Variants in FTCDNL1 observed in about 807,000 individuals in gnomAD.
The protein encoded by FTCDNL1 is formiminotransferase N-terminal subdomain-containing protein.
A neutral mutation model predicts 5.9 loss-of-function variants in FTCDNL1; 11 were observed. The ratio of observed to expected loss-of-function variants is 1.87; its 90% CI spans 1.18 to 3.10. The LOEUF (loss-of-function observed/expected upper bound fraction) is 3.10. Ranked by LOEUF, FTCDNL1 falls within the 30% of genes most tolerant of loss-of-function variation. The probability of loss-of-function intolerance (pLI) is 0.00; values close to 1 mark genes in which losing one functional copy is unlikely to be tolerated. For synonymous variants in FTCDNL1, 58 were observed against 24.8 expected (o/e 2.34, Z -3.99); for missense variants, 115 against 65.5 (o/e 1.76, Z -2.61).
chr2:199,665,224 A>T, the FTCDNL1 span, among the ~76,000 whole-genome samples: 2 of 152,286 alleles, frequency 1.3e-5, no homozygotes, highest in Admixed American at 1.3e-4. Flanking sequence ...ATGGGATGGG[A>T]TCAAGATACA....
At chr2:199,712,857 T>C in the FTCDNL1 span, among the ~76,000 whole-genome samples, 1 of 152,196 alleles carries the variant, frequency 6.6e-6, no homozygotes, top group African/African-American at 2.4e-5. Flanking sequence ...TCATACCATA[T>C]AAAGAGCTCA....
At chr2:199,825,408 T>A (rs1701968966) in intron 3 of FTCDNL1, among the ~76,000 whole-genome samples, 1 of 152,270 alleles carries the variant, frequency 6.6e-6, no homozygotes, top group African/African-American at 2.4e-5. Flanking sequence ...TACAGTCAAC[T>A]GAAGTTTAGG....
At chr2:199,680,747 G>A in the FTCDNL1 span, among the ~76,000 whole-genome samples, 11 of 152,138 alleles carry the variant, frequency 7.2e-5, no homozygotes, top group African/African-American at 2.4e-4. Flanking sequence ...TGAAGATGAC[G>A]CATAGCCTAT....
chr2:199,666,797 C>T, the FTCDNL1 span, among the ~76,000 whole-genome samples: 1 of 151,936 alleles, frequency 6.6e-6, no homozygotes, highest in Non-Finnish European at 1.5e-5. Flanking sequence ...TGCCTGTAAT[C>T]CCAGCTACTC....
the FTCDNL1 span, among the ~76,000 whole-genome samples, chr2:199,750,025 C>A: frequency 6.7e-6 from 1 of 150,042 alleles, no homozygotes; most frequent in Non-Finnish European, 1.5e-5. Flanking sequence ...CTAGTATGTA[C>A]CCCCAAAAAT....
At chr2:199,783,889 T>C (rs1699499531) in intron 3 of FTCDNL1, among the ~76,000 whole-genome samples, 1 of 152,134 alleles carries the variant, frequency 6.6e-6, no homozygotes, top group Admixed American at 6.5e-5. Flanking sequence ...TCAACCATGC[T>C]ACAATGCTAG....
At chr2:199,712,773 G>A in the FTCDNL1 span, among the ~76,000 whole-genome samples, 1 of 152,118 alleles carries the variant, frequency 6.6e-6, no homozygotes, top group African/African-American at 2.4e-5. Flanking sequence ...TCCAACCCCT[G>A]CCCCTGTCAT....
the FTCDNL1 span, among the ~76,000 whole-genome samples, chr2:199,713,057 G>A: frequency 7.2e-5 from 11 of 152,144 alleles, no homozygotes; most frequent in African/African-American, 2.7e-4. Flanking sequence ...CTGTAATGTA[G>A]TTTTGCAGTA....
At chr2:199,686,735 T>C in the FTCDNL1 span, among the ~76,000 whole-genome samples, 1 of 152,178 alleles carries the variant, frequency 6.6e-6, no homozygotes, top group African/African-American at 2.4e-5. Context: ...AACATATTTG[T>C]CTGGGTAATA....
At chr2:199,790,303 G>C (rs1229214563) in intron 3 of FTCDNL1, among the ~76,000 whole-genome samples, 3 of 152,012 alleles carry the variant, frequency 2.0e-5, no homozygotes, top group African/African-American at 7.2e-5. Context: ...TTCGAGACCA[G>C]CCTGGCCAAC....
chr2:199,765,770 T>C (rs917496174), intron 3 of FTCDNL1, among the ~76,000 whole-genome samples: 5 of 151,736 alleles, frequency 3.3e-5, no homozygotes, highest in African/African-American at 9.7e-5. Context: ...CTCAAACTCC[T>C]GAGCTCAGGC....
intron 3 of FTCDNL1, among the ~76,000 whole-genome samples, chr2:199,825,666 A>G (rs944605664): frequency 6.6e-6 from 1 of 152,164 alleles, no homozygotes; most frequent in Non-Finnish European, 1.5e-5. Flanking sequence ...TCACCATGCG[A>G]CACACCTGTT....
chr2:199,830,723 C>T (rs995348710), intron 3 of FTCDNL1, among the ~76,000 whole-genome samples: 1 of 152,118 alleles, frequency 6.6e-6, no homozygotes, highest in African/African-American at 2.4e-5. Flanking sequence ...ATTCCTCCCC[C>T]ACATGGCTAG....
At position 199,775,968 on chromosome 2, in the gene FTCDNL1, C is replaced by G. The variant is rs1699043396; in HGVS notation, c.212-15133G>C. ...TCGCTCTGTTGCCCAGGCTGGAGTG[C>G]AGTGGCGCGATATCAGCTCACTGCA... On this transcript the variant is annotated intron_variant, in intron 3 of 3. Coordinates refer to the FTCDNL1 transcript ENST00000416668. Among the ~76,000 whole-genome samples, 2 of 145,940 alleles carry G rather than the reference C, an allele frequency of 1.4e-5. 1 individual carries two copies. Among genetic ancestry groups the G allele is most frequent in the South Asian group, 4.3e-4 (2 of 4,606 alleles).
the FTCDNL1 span, among the ~76,000 whole-genome samples, chr2:199,689,721 G>C: frequency 1.3e-5 from 2 of 149,312 alleles, no homozygotes; most frequent in Non-Finnish European, 3.0e-5. Flanking sequence ...TGAGGCAGGA[G>C]AATCGCTTAA....
At chr2:199,724,873 G>C in the FTCDNL1 span, among the ~76,000 whole-genome samples, 1 of 152,066 alleles carries the variant, frequency 6.6e-6, no homozygotes, top group Non-Finnish European at 1.5e-5. Context: ...TTTTTGGGTA[G>C]AGAGTTCTGC....
chr2:199,693,455 A>G, the FTCDNL1 span, among the ~76,000 whole-genome samples: 1 of 152,230 alleles, frequency 6.6e-6, no homozygotes, highest in African/African-American at 2.4e-5. Context: ...CTCTTTTAGC[A>G]TCTATCCTGT....
chr2:199,739,960 C>CG, the FTCDNL1 span, among the ~76,000 whole-genome samples: 2 of 152,092 alleles, frequency 1.3e-5, no homozygotes, highest in Admixed American at 6.5e-5. Context: ...CTCTGGGAGC[C>CG]GGGCCTGCCA....
chr2:199,808,766 T>C (rs2106437960), downstream of FTCDNL1, among the ~76,000 whole-genome samples: 1 of 152,362 alleles, frequency 6.6e-6, no homozygotes, highest in African/African-American at 2.4e-5. Flanking sequence ...AGAAAAACTA[T>C]TAATAATACA....
Sources: allele counts gnomAD v4.1 joint callset (sites outside exome capture counted in the v4.1 genomes callset), GRCh38; gene constraint gnomAD v4.1.1; transcripts MANE v1.5; gene names NCBI Gene and HGNC (gene_info 2026-07-23, HGNC 2026-07-21).